SHISA9: variants seen among roughly 807,000 people sequenced by gnomAD.
SHISA9 encodes the protein protein shisa-9.
In SHISA9, 13 loss-of-function variants were observed where a neutral mutation model predicts 38.0. The observed-to-expected ratio is 0.34, with a 90% CI of 0.22 to 0.54. The LOEUF is 0.54. SHISA9 is among the 20% of genes least tolerant of loss of function. The pLI is 0.91. For missense variants in SHISA9, 538 were observed against 575.8 expected (o/e 0.93, Z 0.67); for synonymous variants, 275 against 242.0 (o/e 1.14, Z -1.27).
chr16:13,049,636 A>G (rs935906905), intron 2 of SHISA9, among the ~76,000 whole-genome samples: 2 of 152,202 alleles, frequency 1.3e-5, no homozygotes, highest in African/African-American at 2.4e-5. Flanking sequence ...TTCTCTATCC[A>G]TAACTTAAAT....
intron 2 of SHISA9, among the ~76,000 whole-genome samples, chr16:12,956,513 G>C (rs1214794701): frequency 6.6e-6 from 1 of 152,186 alleles, no homozygotes; most frequent in Non-Finnish European, 1.5e-5. Context: ...AGAAAATGTG[G>C]TATGTATACA....
chr16:13,219,289 C>T (rs533329196), intron 4 of SHISA9, among the ~76,000 whole-genome samples: 29 of 152,298 alleles, frequency 1.9e-4, no homozygotes, highest in African/African-American at 6.0e-4. Flanking sequence ...ACAGCACACA[C>T]AGTAGGCAAT....
chr16:13,023,437 G>A (rs8063746), intron 2 of SHISA9, among the ~76,000 whole-genome samples: 37,220 of 152,080 alleles, frequency 0.24, 4,964 homozygotes, highest in East Asian at 0.43. Flanking sequence ...CATTTGGGTT[G>A]GTTCCAAGTC....
chr16:13,468,948 A>G, the SHISA9 span, among the ~76,000 whole-genome samples: 1 of 151,494 alleles, frequency 6.6e-6, no homozygotes, highest in Non-Finnish European at 1.5e-5. Context: ...TAAAACAACA[A>G]CAACAAAAAA....
intron 2 of SHISA9, among the ~76,000 whole-genome samples, chr16:13,124,779 C>G (rs746843791): frequency 1.3e-5 from 2 of 152,058 alleles, no homozygotes; most frequent in Non-Finnish European, 2.9e-5. Flanking sequence ...ACACATAAAC[C>G]AATGGAGCAG....
rs192357176 is a variant in SHISA9, at chr16:12,967,326, G to A, written c.691+50511G>A. ...TGGCAAGGACAAAAAACCAAACACC[G>A]CATGTTCTCACTCATAGGTGGGAAC... is the stretch of plus-strand genomic sequence containing the variant. On this transcript the variant is annotated intron_variant, in intron 2 of 4. Transcript: ENST00000558583. Among the ~76,000 whole-genome samples, 11 of 152,160 alleles carry A rather than the reference G, an allele frequency of 7.2e-5. No homozygotes were observed. The East Asian group carries it at 1.5e-3, about 21-fold the overall frequency.
chr16:13,006,960 T>TGTCA (rs2072605715), intron 2 of SHISA9, among the ~76,000 whole-genome samples: 1 of 152,202 alleles, frequency 6.6e-6, no homozygotes, highest in Non-Finnish European at 1.5e-5. Context: ...GCTCTCTTTC[T>TGTCA]GTCACCCTCG....
intron 2 of SHISA9, among the ~76,000 whole-genome samples, chr16:13,117,201 C>T (rs1010090390): frequency 9.9e-5 from 15 of 152,172 alleles, no homozygotes; most frequent in Non-Finnish European, 1.9e-4. Flanking sequence ...GTCTCAAATT[C>T]CTGACCTTGG....
chr16:13,112,227 G>A (rs532998570), intron 2 of SHISA9, among the ~76,000 whole-genome samples: 1 of 152,180 alleles, frequency 6.6e-6, no homozygotes, highest in South Asian at 2.1e-4. Flanking sequence ...GATATGTTTA[G>A]AGAGCAATTT....
At chr16:13,509,523 A>G in the SHISA9 span, among the ~76,000 whole-genome samples, 1 of 152,228 alleles carries the variant, frequency 6.6e-6, no homozygotes, top group Non-Finnish European at 1.5e-5. Flanking sequence ...ATACCCATGT[A>G]AAGCCTCAGG....
chr16:13,386,067 T>C, the SHISA9 span, among the ~76,000 whole-genome samples: 14 of 152,306 alleles, frequency 9.2e-5, no homozygotes, highest in African/African-American at 3.4e-4. Flanking sequence ...ACTGTGACGG[T>C]GCCCATGGAT....
the SHISA9 span, among the ~76,000 whole-genome samples, chr16:13,270,745 C>T: frequency 1.3e-5 from 2 of 152,176 alleles, no homozygotes; most frequent in Non-Finnish European, 2.9e-5. Flanking sequence ...CAGGTTGTAA[C>T]ACAGCTGTCA....
At chr16:13,044,137 A>G (rs958599210) in intron 2 of SHISA9, among the ~76,000 whole-genome samples, 3 of 152,120 alleles carry the variant, frequency 2.0e-5, no homozygotes, top group African/African-American at 7.2e-5. Context: ...AAATCTGAAA[A>G]TCCTCTAGGG....
chr16:13,138,659 A>C (rs934865760), intron 2 of SHISA9, among the ~76,000 whole-genome samples: 4 of 152,300 alleles, frequency 2.6e-5, no homozygotes, highest in Middle Eastern at 3.4e-3. Context: ...TTATGGATGG[A>C]TGTCTCACAA....
At chr16:13,228,144 A>C (rs1369263453) in intron 4 of SHISA9, among the ~76,000 whole-genome samples, 1 of 152,188 alleles carries the variant, frequency 6.6e-6, no homozygotes, top group Non-Finnish European at 1.5e-5. Flanking sequence ...GGTGTTCCCA[A>C]GGTCTCATAA....
the SHISA9 span, among the ~76,000 whole-genome samples, chr16:13,503,162 G>C: frequency 6.6e-6 from 1 of 152,166 alleles, no homozygotes; most frequent in African/African-American, 2.4e-5. Context: ...CAAAAGTCTT[G>C]AATCAGGAAA....
At chr16:13,433,007 A>T in the SHISA9 span, among the ~76,000 whole-genome samples, 1 of 152,136 alleles carries the variant, frequency 6.6e-6, no homozygotes. Context: ...TGTACAGCAA[A>T]CCCCCATGAC....
At chr16:12,986,743 T>G (rs1183430869) in intron 2 of SHISA9, among the ~76,000 whole-genome samples, 1 of 152,232 alleles carries the variant, frequency 6.6e-6, no homozygotes, top group Non-Finnish European at 1.5e-5. Context: ...TCTGAGGGTT[T>G]TCTCTTATTT....
In SHISA9 at chr16:13,071,398, C is replaced by T. The variant is rs564224392; in HGVS notation, c.692-131996C>T. Among the ~76,000 whole-genome samples the T allele has an allele frequency of 2.0e-5, 3 of 152,190 alleles. No homozygotes were observed. In the East Asian group the frequency reaches 5.8e-4, roughly 29 times the overall value. On this transcript the variant is annotated intron_variant, in intron 2 of 4. Transcript: ENST00000558583. Reference sequence around the variant, plus strand: ...TTTGATGGAATCCTTCCAACAATTCCTCCTACTATTTCCATTTTACAGATA... The same window carrying T: ...TTTGATGGAATCCTTCCAACAATTCTTCCTACTATTTCCATTTTACAGATA...
Sources: allele counts gnomAD v4.1 joint callset (sites outside exome capture counted in the v4.1 genomes callset), GRCh38; gene constraint gnomAD v4.1.1; transcripts MANE v1.5; gene names NCBI Gene and HGNC (gene_info 2026-07-23, HGNC 2026-07-21).